Variants in TFR2 observed in about 807,000 individuals in gnomAD.
TFR2 encodes the protein transferrin receptor 2.
TFR2 carries 64 observed loss-of-function variants against 91.9 expected under a neutral mutation model. The observed-to-expected ratio is 0.70, with a 90% CI of 0.57 to 0.86. The LOEUF (loss-of-function observed/expected upper bound fraction) is 0.86. Among genes scored for constraint, TFR2 ranks in the 40% least tolerant of loss-of-function variants. The pLI, the probability that TFR2 is intolerant of heterozygous loss-of-function variation, is 0.00. For missense variants in TFR2, 950 were observed against 1,080.5 expected (o/e 0.88, Z 1.69); for synonymous variants, 454 against 459.6 (o/e 0.99, Z 0.15).
At chr7:100,625,039 A>ATCTTTT (rs1183149406) in intron 17 of TFR2, among the ~76,000 whole-genome samples, 3 of 146,348 alleles carry the variant, frequency 2.0e-5, no homozygotes, top group Admixed American at 7.1e-5. Context: ...TGAGTCATGC[A>ATCTTTT]TCTTTTTCTT....
intron 3 of TFR2, among the ~76,000 whole-genome samples, chr7:100,635,576 G>T (rs1179852306): frequency 6.6e-6 from 1 of 151,850 alleles, no homozygotes; most frequent in Non-Finnish European, 1.5e-5. Context: ...CTCCCAAGTA[G>T]CTGGGATTAT....
At chr7:100,638,228 C>T (rs1803616380) in intron 3 of TFR2, among the ~76,000 whole-genome samples, 1 of 151,912 alleles carries the variant, frequency 6.6e-6, no homozygotes. Context: ...TAGTCTCGAT[C>T]TCCTGACCTC....
In TFR2 at chr7:100,633,778, G is replaced by A. The variant is rs1277127259; in HGVS notation, c.474-222C>T. Reference sequence around the variant, plus strand: ...GGCTGGAGTGCAGTGGACCAATCTCGGCTCTCTGCAACTTCCGCCTTCCTG... The same window carrying A: ...GGCTGGAGTGCAGTGGACCAATCTCAGCTCTCTGCAACTTCCGCCTTCCTG... On this transcript the variant is annotated intron_variant, in intron 3 of 17. Transcript: ENST00000223051. 1.2e-5 allele frequency: 8 copies of A among 673,358 alleles called. No individual in the cohort carries two copies. In the African/African-American group the frequency reaches 1.7e-4, roughly 14 times the overall value. 41.7% of individuals were successfully genotyped at this position (673,358 alleles called of 1,614,324 possible).
chr7:100,629,446 GTC>G (rs971821768), intron 9 of TFR2, 74 bp from the exon 10 acceptor site: 5 of 1,603,812 alleles, frequency 3.1e-6, no homozygotes, highest in African/African-American at 1.3e-5. Context: ...ATCTGCCTGT[GTC>G]TCTCAGCCCA....
intron 3 of TFR2, among the ~76,000 whole-genome samples, chr7:100,638,746 C>T (rs1803628660): frequency 9.2e-6 from 1 of 108,586 alleles, no homozygotes; most frequent in Non-Finnish European, 1.8e-5. Context: ...GAAACTCTGT[C>T]TCAAAAAAAG....
At chr7:100,625,465 G>C (rs1462922117) in intron 17 of TFR2, among the ~76,000 whole-genome samples, 1 of 152,158 alleles carries the variant, frequency 6.6e-6, no homozygotes, top group Non-Finnish European at 1.5e-5. Flanking sequence ...ACACAGCTGA[G>C]GTTAAACCAA....
At chr7:100,632,975 C>T in intron 6 of TFR2, 26 bp downstream of exon 6, 1 of 1,613,664 alleles carries the variant, frequency 6.2e-7, no homozygotes. Flanking sequence ...CGGGCTCAAG[C>T]CCTCCCTCTG....
At chr7:100,632,974 G>A (rs927793937) in intron 6 of TFR2, 27 bp downstream of exon 6, 1 of 1,613,532 alleles carries the variant, frequency 6.2e-7, no homozygotes, top group Non-Finnish European at 8.5e-7. Context: ...CCGGGCTCAA[G>A]CCCTCCCTCT....
intron 9 of TFR2, among the ~76,000 whole-genome samples, chr7:100,630,226 TCCTTCCTTTCTC>T (rs1308062695): frequency 6.6e-6 from 1 of 151,644 alleles, no homozygotes; most frequent in Non-Finnish European, 1.5e-5. Context: ...CTTCCTTCCT[TCCTTCCTTTCTC>T]TCTCTCTCTT....
chr7:100,637,003 C>T (rs574900116), intron 3 of TFR2, among the ~76,000 whole-genome samples: 27 of 152,304 alleles, frequency 1.8e-4, no homozygotes, highest in Admixed American at 3.9e-4. Flanking sequence ...CCATGGCTTA[C>T]GCCTGTAATC....
Position 100,633,436 on chromosome 7 carries a change from C to T in TFR2, c.594G>A (p.Val198=). 5 of 1,612,558 alleles carry T rather than the reference C, an allele frequency of 3.1e-6. No individual in the cohort carries two copies. The highest frequency in any genetic ancestry group is 2.2e-5 in the East Asian group (1 of 44,812). ...CTCACGGATCCGGGAATTGCAGCCC[C>T]ACGTAGTGCGTGTCGGTCCACACGT... ...LDHVWTDTHY[V]GLQFPDPAHP... Residue 198 remains valine, a synonymous_variant, in exon 4 of 18, where the codon GTG becomes GTA. Coordinates refer to ENST00000223051, the MANE Select transcript of TFR2 (RefSeq NM_003227.4).
chr7:100,631,099 A>G (rs750151243), intron 8 of TFR2, 47 bp from the exon 9 acceptor site: 11 of 1,475,200 alleles, frequency 7.5e-6, no homozygotes, highest in Non-Finnish European at 9.9e-6. Context: ...AGAGACCCAG[A>G]AGAGTCCAAA....
chr7:100,629,265 T>A lies in TFR2; in HGVS notation c.1378A>T (p.Met460Leu). The change falls in exon 10 of 18, where the codon ATG becomes TTG. Residue 460 changes from methionine to leucine, a missense_variant. Coordinates refer to ENST00000223051, the MANE Select transcript of TFR2 (RefSeq NM_003227.4). ...GCCCTGACCTTACCGTTGCTCACCA[T>A]GGAGGAAAAGGTCCGCACCAGCTCC... ...LLELVRTFSS[M>L]VSNGFRPRRS... 6.2e-7 allele frequency: 1 copy of A among 1,613,878 alleles called. No homozygotes were observed. The highest frequency in any genetic ancestry group is 8.5e-7 in the Non-Finnish European group (1 of 1,179,804).
chr7:100,620,982 C>T lies in TFR2; in HGVS notation c.2281G>A (p.Ala761Thr), dbSNP rs750288661. The change falls in exon 18 of 18, where the codon GCC becomes ACC. Residue 761 changes from alanine to threonine, a missense_variant. Physicochemically the swap from Ala to Thr is moderately conservative, Grantham distance 58. Coordinates refer to ENST00000223051, the MANE Select transcript of TFR2 (RefSeq NM_003227.4). ...TCCTGGAAGCCAGTGGAGGAGGTGG[C>T]CCCGGGGGTCCCGGAGCTGTTGGAG... is the stretch of plus-strand genomic sequence containing the variant. ...LRSNSSGTPG[A>T]TSSTGFQESR... is the part of the protein sequence containing the mutation. 2.5e-6 allele frequency: 4 copies of T among 1,611,186 alleles called. No individual in the cohort carries two copies. The African/African-American group carries it at 4.0e-5, about 16-fold the overall frequency.
In TFR2 at chr7:100,621,105, G is replaced by C; in HGVS notation, c.2158C>G (p.Gln720Glu). The C allele has an allele frequency of 6.5e-7, 1 of 1,532,318 alleles. No individual in the cohort carries two copies. Among genetic ancestry groups the C allele is most frequent in the Non-Finnish European group, 8.8e-7 (1 of 1,133,642 alleles). The allele number at this position is 1,532,318 out of a possible 1,614,324, so 94.9% of individuals were successfully genotyped here. A position where few individuals can be genotyped will look rare whatever the true frequency, so the allele number is the denominator to read the frequency against. ...GGGGAGTCGGCTGGCGACACGTACT[G>C]GGAAAGGAAGTAGAACTCCACCTGC... The part of the protein sequence containing the change: ...IMRVEFYFLS[Q>E]YVSPADSPFR... Residue 720 changes from glutamine to glutamate, a missense_variant, in exon 18 of 18, where the codon CAG becomes GAG. Physicochemically the swap from Gln to Glu is conservative, Grantham distance 29. Transcript: ENST00000223051.
chr7:100,640,791 T>A lies in TFR2; in HGVS notation c.368A>T (p.Asn123Ile). 6.2e-7 allele frequency: 1 copy of A among 1,614,140 alleles called. No homozygotes were observed. The highest frequency in any genetic ancestry group is 8.5e-7 in the Non-Finnish European group (1 of 1,180,002). ...DSVLVVSEDV[N>I]YEPDLDFHQG... ...GTGGAAATCCAGGTCAGGCTCATAG[T>A]TGACATCCTCACTGACCACCAACAC... The change falls in exon 3 of 18, where the codon AAC (asparagine) becomes ATC (isoleucine). Residue 123 changes from asparagine to isoleucine, a missense_variant. By Grantham distance (149) the Asn-to-Ile change is moderately radical (BLOSUM62 -3). Transcript: ENST00000223051.
In TFR2 at chr7:100,630,801, G is replaced by A. The variant is rs1399661885; in HGVS notation, c.1270+88C>T. 12 of 1,584,172 alleles carry A rather than the reference G, an allele frequency of 7.6e-6. No homozygotes were observed. In the East Asian group the frequency reaches 2.7e-4, roughly 35 times the overall value. On this transcript the variant is annotated intron_variant, in intron 9 of 17. Coordinates refer to ENST00000223051, the MANE Select transcript of TFR2 (RefSeq NM_003227.4). ...CTCCTGTCCCCTCTTGGGGCCTCCTGCACCAGCCCCCTATCTTGCCAGGGT... is the reference window on the plus strand; with the variant it reads ...CTCCTGTCCCCTCTTGGGGCCTCCTACACCAGCCCCCTATCTTGCCAGGGT...
intron 3 of TFR2, among the ~76,000 whole-genome samples, chr7:100,636,925 G>A (rs1803581443): frequency 6.6e-6 from 1 of 152,080 alleles, no homozygotes; most frequent in South Asian, 2.1e-4. Flanking sequence ...CTATCTACCT[G>A]CTCAGCCTGT....
chr7:100,639,345 T>C (rs1341909989), intron 3 of TFR2, among the ~76,000 whole-genome samples: 1 of 152,142 alleles, frequency 6.6e-6, no homozygotes, highest in Non-Finnish European at 1.5e-5. Flanking sequence ...CCAGCCTGGG[T>C]GATAAGAGGG....
Sources: allele counts gnomAD v4.1 joint callset (sites outside exome capture counted in the v4.1 genomes callset), GRCh38; gene constraint gnomAD v4.1.1; transcripts MANE v1.5; gene names NCBI Gene and HGNC (gene_info 2026-07-23, HGNC 2026-07-21).